GRIK2: variants seen among roughly 807,000 people sequenced by gnomAD.
GRIK2 encodes the protein glutamate ionotropic receptor kainate type subunit 2.
In GRIK2, 32 loss-of-function variants were observed where a neutral mutation model predicts 100.3. That is an observed-to-expected ratio of 0.32 (90% CI 0.24 to 0.43). The LOEUF is 0.43. Ranked by LOEUF, GRIK2 falls within the 20% of genes least tolerant of loss-of-function variation. The pLI is 1.00. For missense variants in GRIK2, 843 were observed against 1,114.9 expected (o/e 0.76, Z 3.47); for synonymous variants, 417 against 389.4 (o/e 1.07, Z -0.83).
chr6:101,450,579 T>C (rs560546105), intron 2 of GRIK2, among the ~76,000 whole-genome samples: 35 of 151,680 alleles, frequency 2.3e-4, no homozygotes, highest in Admixed American at 1.3e-4. Flanking sequence ...CCAGAGAACA[T>C]GTATTTTGCA....
rs559918263 is a variant in GRIK2, at chr6:101,979,544, A to G, written c.2085+50912A>G. On this transcript the variant is annotated intron_variant, in intron 14 of 16. Transcript: ENST00000369134. ...GAAAACTTGTGAGTGTTGGAGTATA[A>G]GCAGAGGTGGGTAAGAAGAAATGGC... 1.4e-4 allele frequency among the ~76,000 whole-genome samples: 21 copies of G among 152,044 alleles called. No homozygotes were observed. In the South Asian group the frequency reaches 3.1e-3, roughly 23 times the overall value.
intron 11 of GRIK2, among the ~76,000 whole-genome samples, chr6:101,879,669 T>A (rs1256658335): frequency 1.7e-5 from 2 of 117,794 alleles, no homozygotes; most frequent in African/African-American, 6.3e-5. Flanking sequence ...ATTTGGTTGA[T>A]CTCACTACAT....
chr6:101,744,842 A>C (rs1473130965), intron 7 of GRIK2: 1 of 151,912 alleles, frequency 6.6e-6, no homozygotes, highest in African/African-American at 2.4e-5. Context: ...TGGCCTCCCA[A>C]AGTGCTGGGA....
At chr6:101,670,636 T>C (rs1436586265) in intron 4 of GRIK2, among the ~76,000 whole-genome samples, 3 of 152,174 alleles carry the variant, frequency 2.0e-5, no homozygotes, top group African/African-American at 7.2e-5. Context: ...TATGTAACTA[T>C]ATAACGCCTT....
intron 2 of GRIK2, among the ~76,000 whole-genome samples, chr6:101,493,970 TA>T (rs768092137): frequency 3.1e-5 from 4 of 129,082 alleles, no homozygotes; most frequent in South Asian, 2.7e-4. Context: ...ATTTTATATA[TA>T]ATTTATATAT....
At chr6:101,415,998 A>G (rs893851333) in intron 2 of GRIK2, among the ~76,000 whole-genome samples, 26 of 152,144 alleles carry the variant, frequency 1.7e-4, no homozygotes, top group African/African-American at 5.8e-4. Flanking sequence ...TAACCAGTCA[A>G]TCAATCAATC....
chr6:101,443,844 T>A (rs1770219033), intron 2 of GRIK2, among the ~76,000 whole-genome samples: 1 of 151,944 alleles, frequency 6.6e-6, no homozygotes, highest in African/African-American at 2.4e-5. Flanking sequence ...TTTATTCTTT[T>A]AAAATTTTTA....
chr6:101,478,420 T>G (rs1772358105), intron 2 of GRIK2, among the ~76,000 whole-genome samples: 1 of 151,532 alleles, frequency 6.6e-6, no homozygotes, highest in African/African-American at 2.4e-5. Flanking sequence ...GAATTTAAAA[T>G]GGTTATAAAT....
intron 16 of GRIK2, among the ~76,000 whole-genome samples, chr6:102,063,241 A>G (rs1182451592): frequency 6.6e-6 from 1 of 150,680 alleles, no homozygotes. Context: ...ATGGTTAGGA[A>G]TTATTCTGAA....
chr6:102,053,121 C>T (rs965386425), intron 15 of GRIK2, among the ~76,000 whole-genome samples: 4 of 150,434 alleles, frequency 2.7e-5, no homozygotes, highest in Non-Finnish European at 1.5e-5. Context: ...CACATACATA[C>T]ACACACAAAG....
At chr6:101,429,868 G>A (rs1347537193) in intron 2 of GRIK2, among the ~76,000 whole-genome samples, 1 of 152,066 alleles carries the variant, frequency 6.6e-6, no homozygotes. Context: ...TAAATTTACA[G>A]GTATTAATGC....
At chr6:101,545,190 CT>C (rs1192772971) in intron 2 of GRIK2, among the ~76,000 whole-genome samples, 1 of 152,092 alleles carries the variant, frequency 6.6e-6, no homozygotes, top group African/African-American at 2.4e-5. Flanking sequence ...AGTTATGCCA[CT>C]GGGGAGATGC....
intron 2 of GRIK2, among the ~76,000 whole-genome samples, chr6:101,451,121 GC>G (rs1406672820): frequency 1.3e-5 from 2 of 151,606 alleles, no homozygotes; most frequent in East Asian, 3.9e-4. Context: ...ATTAATCGTT[GC>G]ACAGTCTTCT....
chr6:101,697,974 G>A (rs1408873069), intron 7 of GRIK2, among the ~76,000 whole-genome samples: 1 of 152,036 alleles, frequency 6.6e-6, no homozygotes, highest in East Asian at 1.9e-4. Context: ...ACTATGTTCT[G>A]AGTACAGTTC....
chr6:101,837,964 A>G (rs1020789531), intron 10 of GRIK2, among the ~76,000 whole-genome samples: 3 of 152,154 alleles, frequency 2.0e-5, no homozygotes, highest in Admixed American at 6.5e-5. Flanking sequence ...GGTATTAAGA[A>G]AGTCTAGGAA....
intron 2 of GRIK2, among the ~76,000 whole-genome samples, chr6:101,599,936 T>C (rs1298799403): frequency 1.3e-5 from 2 of 151,772 alleles, no homozygotes; most frequent in Non-Finnish European, 2.9e-5. Flanking sequence ...TTTGTTTTTG[T>C]TGAAATTGTT....
At position 101,647,486 on chromosome 6, in the gene GRIK2, A is replaced by C. The variant is rs555379686; in HGVS notation, c.541+20849A>C. On this transcript the variant is annotated intron_variant, in intron 4 of 16. Transcript: ENST00000369134. Reference sequence around the variant, plus strand: ...GCCTTCTCCCAGGCTATAGAAGTGCACTTTAAGCCAATATTTTGTTTTATG... The same window carrying C: ...GCCTTCTCCCAGGCTATAGAAGTGCCCTTTAAGCCAATATTTTGTTTTATG... Among the ~76,000 whole-genome samples, 5 of 152,106 alleles carry C rather than the reference A, an allele frequency of 3.3e-5. No homozygotes were observed. The East Asian group carries it at 9.7e-4, about 30-fold the overall frequency.
intron 2 of GRIK2, among the ~76,000 whole-genome samples, chr6:101,547,890 G>A (rs1162023625): frequency 6.6e-6 from 1 of 152,152 alleles, no homozygotes; most frequent in African/African-American, 2.4e-5. Flanking sequence ...CTGAGGAATT[G>A]CCACACTGAC....
At chr6:101,770,774 T>C (rs1487396886) in intron 7 of GRIK2, among the ~76,000 whole-genome samples, 3 of 152,166 alleles carry the variant, frequency 2.0e-5, no homozygotes, top group Non-Finnish European at 4.4e-5. Context: ...ATAGTCACAA[T>C]AGGAAGGGTA....
Sources: allele counts gnomAD v4.1 joint callset (sites outside exome capture counted in the v4.1 genomes callset), GRCh38; gene constraint gnomAD v4.1.1; transcripts MANE v1.5; gene names NCBI Gene and HGNC (gene_info 2026-07-23, HGNC 2026-07-21).